Variants in NFIC observed in about 807,000 individuals in gnomAD.
NFIC encodes nuclear factor 1 C-type.
A neutral mutation model predicts 54.4 loss-of-function variants in NFIC; 12 were observed. The ratio of observed to expected loss-of-function variants is 0.22; its 90% confidence interval spans 0.14 to 0.36. NFIC has a LOEUF of 0.36. Ranked by LOEUF, NFIC falls within the 10% of genes least tolerant of loss-of-function variation. The pLI is 1.00. For synonymous variants in NFIC, 322 were observed against 319.2 expected (o/e 1.01, Z -0.09); for missense variants, 575 against 718.2 (o/e 0.80, Z 2.28).
intron 1 of NFIC, among the ~76,000 whole-genome samples, chr19:3,367,451 G>C (rs1349712197): frequency 1.3e-5 from 2 of 151,366 alleles, no homozygotes; most frequent in African/African-American, 4.8e-5. Context: ...GGACGCCCTC[G>C]CCAGCCCGGC....
chr19:3,390,353 T>C (rs1455084842), intron 2 of NFIC, among the ~76,000 whole-genome samples: 1 of 152,136 alleles, frequency 6.6e-6, no homozygotes, highest in South Asian at 2.1e-4. Context: ...CCGCGGGGCA[T>C]ACGTCAGTGG....
chr19:3,435,134 T>C lies in NFIC; in HGVS notation c.885T>C (p.Pro295=), dbSNP rs1275808640. ...TGGAGGAAGACGTGGACACGAGCCC[T>C]GGCGGCGATTACTACACTTCGCCCA... ...GSMEEDVDTS[P]GGDYYTSPSS... is the part of the protein sequence containing the mutation. Residue 295 remains proline, a synonymous_variant, in exon 6 of 11, where the codon CCT becomes CCC. Coordinates refer to ENST00000443272, the MANE Select transcript of NFIC (RefSeq NM_001245002.2). The C allele has an allele frequency of 1.4e-5, 22 of 1,605,968 alleles. No homozygotes were observed. Among genetic ancestry groups the C allele is most frequent in the Non-Finnish European group, 1.7e-5 (20 of 1,176,872 alleles).
At chr19:3,386,991 AG>A (rs2081307103) in intron 2 of NFIC, among the ~76,000 whole-genome samples, 1 of 152,144 alleles carries the variant, frequency 6.6e-6, no homozygotes, top group South Asian at 2.1e-4. Context: ...TTCCGAACCG[AG>A]AGTCCCCTTG....
In NFIC at chr19:3,463,484, G is replaced by A; in HGVS notation, c.*715G>A. On this transcript the variant is annotated 3_prime_UTR_variant, in exon 11 of 11. Transcript: ENST00000443272. Reference sequence around the variant, plus strand: ...GAGGCCCAGGCACCTGCTGCCCCTCGAGGGGGCCCTGCCTGCCGCGGGGCC... The same window carrying A: ...GAGGCCCAGGCACCTGCTGCCCCTCAAGGGGGCCCTGCCTGCCGCGGGGCC... 6.1e-6 allele frequency: 6 copies of A among 985,286 alleles called. No homozygotes were observed. Among genetic ancestry groups the A allele is most frequent in the Non-Finnish European group, 7.2e-6 (6 of 829,944 alleles). The allele number at this position is 985,286 out of a possible 1,614,324, so 61.0% of individuals were successfully genotyped here. A position where few individuals can be genotyped will look rare whatever the true frequency, so the allele number is the denominator to read the frequency against.
In NFIC at chr19:3,463,153, G is replaced by A; in HGVS notation, c.*384G>A. On this transcript the variant is annotated 3_prime_UTR_variant, in exon 11 of 11. Coordinates refer to ENST00000443272, the MANE Select transcript of NFIC (RefSeq NM_001245002.2). ...CGCCTGCTGCTCGGGAAGGACAGACGCCGGCCGCCCGCCCGCGCCCCGGAG... is the reference window on the plus strand; with the variant it reads ...CGCCTGCTGCTCGGGAAGGACAGACACCGGCCGCCCGCCCGCGCCCCGGAG... The A allele has an allele frequency of 4.6e-6, 5 of 1,091,828 alleles. No homozygotes were observed. The highest frequency in any genetic ancestry group is 4.5e-6 in the Non-Finnish European group (4 of 898,196). 67.6% of individuals were successfully genotyped at this position (1,091,828 alleles called of 1,614,324 possible).
In NFIC at chr19:3,370,629, C is replaced by T. The variant is rs568767570; in HGVS notation, c.30+3963C>T. ...CCCGTCTCCCTTCTCTCCCTCTCTC[C>T]TTCTCTCTTCTCTCTCTCTTTCTCC... On this transcript the variant is annotated intron_variant, in intron 1 of 10. Transcript: ENST00000443272. This position sits in a 1 kb window ranked among gnomAD's most constrained non-coding sequence, Gnocchi z 5.2. Among the ~76,000 whole-genome samples, 1 of 150,522 alleles carries T rather than the reference C, an allele frequency of 6.6e-6. No homozygotes were observed. Among genetic ancestry groups the T allele is most frequent in the Non-Finnish European group, 1.5e-5 (1 of 67,418 alleles).
At chr19:3,432,274 C>T (rs2082131736) in intron 3 of NFIC, among the ~76,000 whole-genome samples, 1 of 152,132 alleles carries the variant, frequency 6.6e-6, no homozygotes, top group Non-Finnish European at 1.5e-5. Context: ...AGGAGCAATG[C>T]TGGGGACACT....
intron 2 of NFIC, among the ~76,000 whole-genome samples, chr19:3,419,835 A>G (rs899845532): frequency 6.6e-6 from 1 of 151,996 alleles, no homozygotes; most frequent in Admixed American, 6.6e-5. Flanking sequence ...TAAAAAACAC[A>G]TAAATTCCTA....
At chr19:3,373,954 C>T (rs751150465) in intron 1 of NFIC, among the ~76,000 whole-genome samples, 23 of 152,310 alleles carry the variant, frequency 1.5e-4, no homozygotes, top group Non-Finnish European at 2.8e-4. Flanking sequence ...TAGAGCCTGA[C>T]GCTGGTGCCG....
chr19:3,385,726 C>T (rs2081286734), intron 2 of NFIC, among the ~76,000 whole-genome samples: 1 of 151,892 alleles, frequency 6.6e-6, no homozygotes. Context: ...ATGCCCACCA[C>T]CACACCCGGC....
At chr19:3,395,512 G>A (rs62128056) in intron 2 of NFIC, among the ~76,000 whole-genome samples, 2 of 107,306 alleles carry the variant, frequency 1.9e-5, no homozygotes, top group Non-Finnish European at 3.9e-5. Context: ...TTTTTTTTTA[G>A]TAGAGATGAG....
intron 3 of NFIC, among the ~76,000 whole-genome samples, chr19:3,426,818 C>T (rs2082034517): frequency 6.6e-6 from 1 of 152,158 alleles, no homozygotes; most frequent in Non-Finnish European, 1.5e-5. Flanking sequence ...CAACTAACTG[C>T]TCGCTTGTTC....
intron 2 of NFIC, among the ~76,000 whole-genome samples, chr19:3,405,899 G>A (rs749014530): frequency 1.2e-4 from 18 of 147,936 alleles, no homozygotes; most frequent in East Asian, 4.0e-4. Context: ...CACCGCGCCC[G>A]GCCCCTTTTT....
chr19:3,456,832 TG>T (rs1272391126), intron 10 of NFIC, 197 bp downstream of exon 10: 4 of 610,952 alleles, frequency 6.5e-6, no homozygotes, highest in Admixed American at 2.8e-5. Flanking sequence ...ACCTTGGTCC[TG>T]GGGGGATGGG....
At position 3,452,708 on chromosome 19, in the gene NFIC, C is replaced by CA. The variant is rs1280101935; in HGVS notation, c.1269+43dup. Reference sequence around the variant, plus strand: ...GCATTCGGGCCTCTCCTGGCGGCTCCAGGTGACCTCCCGGGGGCCACGTGC... The same window carrying CA: ...GCATTCGGGCCTCTCCTGGCGGCTCCAAGGTGACCTCCCGGGGGCCACGTGC... On this transcript the variant is annotated intron_variant, in intron 8 of 10. Transcript: ENST00000443272. This position sits in a 1 kb window ranked among gnomAD's most constrained non-coding sequence, Gnocchi z 5.3. 11 of 1,546,362 alleles carry CA rather than the reference C, an allele frequency of 7.1e-6. No individual in the cohort carries two copies. Among genetic ancestry groups the CA allele is most frequent in the Non-Finnish European group, 8.7e-6 (10 of 1,150,478 alleles).
In NFIC at chr19:3,451,722, G is replaced by T. The variant is rs1439543055; in HGVS notation, c.1085-760G>T. ...TAGTGTAGACTGTGGGGCCAGATGG[G>T]CTGGGTTCAAATTCCCGGTCTGCCA... On this transcript the variant is annotated intron_variant, in intron 7 of 10. Transcript: ENST00000443272. Among the ~76,000 whole-genome samples, 3 of 151,764 alleles carry T rather than the reference G, an allele frequency of 2.0e-5. No homozygotes were observed. In the East Asian group the frequency reaches 5.8e-4, roughly 29 times the overall value.
chr19:3,467,783 A>ATATATG lies in NFIC; in HGVS notation c.*5019_*5020insGTATAT, dbSNP rs1568211490. The ATATATG allele has an allele frequency of 6.5e-5, 9 of 138,038 alleles. No homozygotes were observed. Among genetic ancestry groups the ATATATG allele is most frequent in the African/African-American group, 2.5e-4 (9 of 35,424 alleles). The allele number at this position is 138,038 out of a possible 1,614,324, so 8.6% of individuals were successfully genotyped here. ...CATATATATATATATATATATATAT[A>ATATATG]TATATAATTTTGGAATTTGTTTCTC... is the stretch of plus-strand genomic sequence containing the variant. On this transcript the variant is annotated 3_prime_UTR_variant, in exon 11 of 11. Coordinates refer to ENST00000443272, the MANE Select transcript of NFIC (RefSeq NM_001245002.2).
intron 1 of NFIC, among the ~76,000 whole-genome samples, chr19:3,361,253 A>G (rs1217862461): frequency 6.6e-6 from 1 of 152,072 alleles, no homozygotes; most frequent in East Asian, 1.9e-4. Context: ...GCGGGGCGGC[A>G]GGGGTTCCCC....
chr19:3,366,892 G>A (rs1442485558), intron 1 of NFIC, among the ~76,000 whole-genome samples: 2 of 150,294 alleles, frequency 1.3e-5, no homozygotes, highest in Non-Finnish European at 3.0e-5. Flanking sequence ...CGGGACTCCC[G>A]CCCAGCACCC....
Sources: gnomAD v4.1 joint callset for allele counts (sites outside exome capture counted in the v4.1 genomes callset) on GRCh38, gnomAD v4.1.1 for gene constraint, Gnocchi (gnomAD v3.1) non-coding constraint, MANE v1.5 for transcripts, NCBI Gene and HGNC (gene_info 2026-07-23, HGNC 2026-07-21) for gene names.